Variants in MCFD2 observed in about 807,000 individuals in gnomAD.
MCFD2 encodes the protein multiple coagulation factor deficiency 2, ER cargo receptor complex subunit, also known as multiple coagulation factor deficiency protein 2.
Under a neutral mutation model 12.8 loss-of-function variants are expected in MCFD2, and 11 were observed. That is an observed-to-expected ratio of 0.86 (90% CI 0.54 to 1.42). The LOEUF is 1.42. Among genes scored for constraint, MCFD2 ranks in the 40% most tolerant of loss-of-function variants. The pLI is 0.00. For missense variants in MCFD2, 191 were observed against 178.6 expected, an observed-to-expected ratio of 1.07 and a Z score of -0.40; for synonymous variants, 70 against 68.1, an observed-to-expected ratio of 1.03 and a Z score of -0.14.
rs144700781 is a variant in MCFD2, at chr2:46,907,915, C to T, written c.204G>A (p.Ser68=). 2.0e-5 allele frequency: 33 copies of T among 1,614,046 alleles called. No homozygotes were observed. Among genetic ancestry groups the T allele is most frequent in the East Asian group, 6.7e-5 (3 of 44,900 alleles). ...AGTAATGGAGCTGCAATTCTTGTGGCGACATCTCCGCCTCTGGTTTGTTGA... is the reference window on the plus strand; with the variant it reads ...AGTAATGGAGCTGCAATTCTTGTGGTGACATCTCCGCCTCTGGTTTGTTGA... ...GVINKPEAEM[S]PQELQLHYFK... The change falls in exon 3 of 4, where the codon TCG becomes TCA. Residue 68 remains serine (S), a synonymous_variant. Coordinates refer to ENST00000319466, the MANE Select transcript of MCFD2 (RefSeq NM_139279.6). The surrounding 1 kb of genome is among the most constrained non-coding windows in gnomAD (Gnocchi z 4.1).
At chr2:46,929,922 A>G (rs1669601633) in intron 1 of MCFD2, among the ~76,000 whole-genome samples, 1 of 152,182 alleles carries the variant, frequency 6.6e-6, no homozygotes, top group African/African-American at 2.4e-5. Flanking sequence ...CTGCCATGAT[A>G]ATTGTCAATG....
chr2:46,904,937 G>A lies in MCFD2; in HGVS notation c.*526C>T, dbSNP rs1348331754. ...ATTGTATCTACCAGAATTCCCACGT[G>A]TTGTGGGAGAGACCCAAGGGGAGGT... is the stretch of plus-strand genomic sequence containing the variant. On this transcript the variant is annotated 3_prime_UTR_variant, in exon 4 of 4. Transcript: ENST00000319466. 4.8e-6 allele frequency: 1 copy of A among 206,188 alleles called. No individual in the cohort carries two copies. The highest frequency in any genetic ancestry group is 9.9e-6 in the Non-Finnish European group (1 of 100,708). The allele number at this position is 206,188 out of a possible 1,614,324, so 12.8% of individuals were successfully genotyped here.
intron 1 of MCFD2, among the ~76,000 whole-genome samples, chr2:46,930,515 TTTA>T (rs1669637867): frequency 6.6e-6 from 1 of 150,666 alleles, no homozygotes; most frequent in Non-Finnish European, 1.5e-5. Flanking sequence ...TTTTTTTTTT[TTTA>T]GACAAAGTCT....
chr2:46,906,562 T>G (rs988688124), intron 3 of MCFD2, among the ~76,000 whole-genome samples: 1 of 140,412 alleles, frequency 7.1e-6, no homozygotes, highest in Non-Finnish European at 1.5e-5. Context: ...CACAGCTCAC[T>G]GCAGCCTCGA....
At position 46,904,042 on chromosome 2, in the gene MCFD2, C is replaced by G. The variant is rs1276788952; in HGVS notation, c.*1421G>C. On this transcript the variant is annotated 3_prime_UTR_variant, in exon 4 of 4. Coordinates refer to ENST00000319466, the MANE Select transcript of MCFD2 (RefSeq NM_139279.6). Reference sequence around the variant, plus strand: ...GCCATGGCTGAAAGGGGCCAACATACAGCTCGGGCTGTGGCTTCAGAGTGG... The same window carrying G: ...GCCATGGCTGAAAGGGGCCAACATAGAGCTCGGGCTGTGGCTTCAGAGTGG... The G allele has an allele frequency of 1.3e-5, 2 of 152,400 alleles. No homozygotes were observed. Among genetic ancestry groups the G allele is most frequent in the African/African-American group, 2.4e-5 (1 of 41,572 alleles). 9.4% of individuals were successfully genotyped at this position (152,400 alleles called of 1,614,324 possible). A position where few individuals can be genotyped will look rare whatever the true frequency, so the allele number is the denominator to read the frequency against.
Position 46,902,949 on chromosome 2 carries a change from CA to C in MCFD2, c.*2513del, listed in dbSNP as rs1668070620. The stretch of plus-strand genomic sequence containing the variant: ...TTAAGAAACTAGCAGTATTCTACTA[CA>C]GTCAAGTTCCTGAGTACTCAGCTCC... On this transcript the variant is annotated 3_prime_UTR_variant, in exon 4 of 4. Transcript: ENST00000319466. The C allele has an allele frequency of 6.6e-6, 1 of 152,252 alleles. No homozygotes were observed. Among genetic ancestry groups the C allele is most frequent in the Non-Finnish European group, 1.5e-5 (1 of 68,046 alleles). The allele number at this position is 152,252 out of a possible 1,614,324, so 9.4% of individuals were successfully genotyped here.
chr2:46,905,950 C>T (rs1000883095), intron 3 of MCFD2: 10 of 477,302 alleles, frequency 2.1e-5, no homozygotes, highest in Admixed American at 1.2e-4. Context: ...AAGTGCCAGT[C>T]CTCCTGAGGG....
rs1398300203 is a variant in MCFD2 at position 46,903,899 on chromosome 2, A to T, written c.*1564T>A. ...AGCTGCAGAAATTTGCATAAGTAGC[A>T]AGGAGCCTAATGTTAATCCCCAACA... On this transcript the variant is annotated 3_prime_UTR_variant, in exon 4 of 4. Transcript: ENST00000319466. The T allele has an allele frequency of 6.6e-6, 1 of 152,194 alleles. No homozygotes were observed. Among genetic ancestry groups the T allele is most frequent in the Non-Finnish European group, 1.5e-5 (1 of 68,020 alleles). 9.4% of individuals were successfully genotyped at this position (152,194 alleles called of 1,614,324 possible).
At chr2:46,924,283 C>T (rs888399860) in intron 1 of MCFD2, among the ~76,000 whole-genome samples, 1 of 151,532 alleles carries the variant, frequency 6.6e-6, no homozygotes, top group Non-Finnish European at 1.5e-5. Flanking sequence ...AAACTGTAAA[C>T]CCCCCAGGGA....
rs900320866 is a variant in MCFD2, at chr2:46,937,412, T to G, written c.-8+4160A>C. Among the ~76,000 whole-genome samples the G allele has an allele frequency of 6.6e-6, 1 of 152,224 alleles. No homozygotes were observed. The highest frequency in any genetic ancestry group is 1.5e-5 in the Non-Finnish European group (1 of 68,044). On this transcript the variant is annotated intron_variant, in intron 1 of 2. Coordinates refer to the MCFD2 transcript ENST00000409147. The surrounding 1 kb of genome is among the most constrained non-coding windows in gnomAD (Gnocchi z 4.0). ...AAAAAAAAATCTCTATGGTGGATTT[T>G]AAGCCCTGTTTTCATTTTTAGCTGA...
At chr2:46,922,307 T>A (rs924500110) in intron 1 of MCFD2, among the ~76,000 whole-genome samples, 5 of 152,232 alleles carry the variant, frequency 3.3e-5, no homozygotes, top group African/African-American at 9.6e-5. Context: ...AGCGTTTTTA[T>A]AATTTTTGAT....
Position 46,904,129 on chromosome 2 carries a change from A to T in MCFD2, c.*1334T>A, listed in dbSNP as rs1273613497. The stretch of plus-strand genomic sequence containing the variant: ...GCCTGCAGGTGCACAGAAGTCAAGA[A>T]TTGAGATTTGGAAACCTCCGCCTAG... On this transcript the variant is annotated 3_prime_UTR_variant, in exon 4 of 4. Transcript: ENST00000319466. 6.6e-6 allele frequency: 1 copy of T among 152,260 alleles called. No homozygotes were observed. The highest frequency in any genetic ancestry group is 1.5e-5 in the Non-Finnish European group (1 of 68,046). 9.4% of individuals were successfully genotyped at this position (152,260 alleles called of 1,614,324 possible).
rs1001522101 is a variant in MCFD2, at chr2:46,908,693, A to C, written c.149+330T>G. On this transcript the variant is annotated intron_variant, in intron 2 of 3. Transcript: ENST00000319466. The surrounding 1 kb of genome is among the most constrained non-coding windows in gnomAD (Gnocchi z 4.5). ...TTGTTATAGTCAAGAAACCTTAGCT[A>C]TTTTCTGGATTCTGCTACTATGACT... 2.6e-6 allele frequency: 1 copy of C among 386,426 alleles called. No homozygotes were observed. Among genetic ancestry groups the C allele is most frequent in the Non-Finnish European group, 4.8e-6 (1 of 206,326 alleles). 23.9% of individuals were successfully genotyped at this position (386,426 alleles called of 1,614,324 possible). A position where few individuals can be genotyped will look rare whatever the true frequency, so the allele number is the denominator to read the frequency against.
intron 1 of MCFD2, among the ~76,000 whole-genome samples, chr2:46,914,429 C>T (rs956650298): frequency 1.2e-4 from 18 of 152,172 alleles, no homozygotes; most frequent in African/African-American, 4.1e-4. Flanking sequence ...CTGTCATGGT[C>T]CTGGAATGAA....
intron 1 of MCFD2, among the ~76,000 whole-genome samples, chr2:46,921,330 A>T (rs1278127030): frequency 6.6e-6 from 1 of 152,242 alleles, no homozygotes; most frequent in Non-Finnish European, 1.5e-5. Context: ...AGGATACATT[A>T]TACAATTAAT....
At chr2:46,920,516 A>T (rs1024915933), upstream of MCFD2, among the ~76,000 whole-genome samples, 2 of 152,010 alleles carry the variant, frequency 1.3e-5, no homozygotes, top group Admixed American at 6.6e-5. Flanking sequence ...TTTTTAGTAG[A>T]GATGGGGTTT....
In MCFD2 at chr2:46,908,699, T is replaced by C. The variant is rs1380664309; in HGVS notation, c.149+324A>G. On this transcript the variant is annotated intron_variant, in intron 2 of 3. Transcript: ENST00000319466. This position sits in a 1 kb window ranked among gnomAD's most constrained non-coding sequence, Gnocchi z 4.5. ...TAGTCAAGAAACCTTAGCTATTTTCTGGATTCTGCTACTATGACTGTGTAT... is the reference window on the plus strand; with the variant it reads ...TAGTCAAGAAACCTTAGCTATTTTCCGGATTCTGCTACTATGACTGTGTAT... 1 of 398,498 alleles carries C rather than the reference T, an allele frequency of 2.5e-6. No individual in the cohort carries two copies. The highest frequency in any genetic ancestry group is 4.7e-6 in the Non-Finnish European group (1 of 213,750). 24.7% of individuals were successfully genotyped at this position (398,498 alleles called of 1,614,324 possible).
intron 1 of MCFD2, among the ~76,000 whole-genome samples, chr2:46,931,335 C>G (rs532119610): frequency 2.0e-5 from 3 of 152,392 alleles, no homozygotes; most frequent in Middle Eastern, 3.4e-3. Flanking sequence ...ATCCTCTCGC[C>G]TCAGCTTCTG....
Position 46,908,621 on chromosome 2 carries a change from C to G in MCFD2, c.149+402G>C, listed in dbSNP as rs922409608. On this transcript the variant is annotated intron_variant, in intron 2 of 3. Coordinates refer to ENST00000319466, the MANE Select transcript of MCFD2 (RefSeq NM_139279.6). The surrounding 1 kb of genome is among the most constrained non-coding windows in gnomAD (Gnocchi z 4.5). ...GAGGCTAACTGGCCCAAGACAAAAG[C>G]TGCAACAAATGATTCAATGTTTGAA... is the stretch of plus-strand genomic sequence containing the variant. 10 of 310,994 alleles carry G rather than the reference C, an allele frequency of 3.2e-5. No homozygotes were observed. Among genetic ancestry groups the G allele is most frequent in the Non-Finnish European group, 6.2e-5 (10 of 160,876 alleles). 19.3% of individuals were successfully genotyped at this position (310,994 alleles called of 1,614,324 possible).
Sources: gnomAD v4.1 joint callset for allele counts (sites outside exome capture counted in the v4.1 genomes callset) on GRCh38, gnomAD v4.1.1 for gene constraint, Gnocchi (gnomAD v3.1) non-coding constraint, MANE v1.5 for transcripts, NCBI Gene and HGNC (gene_info 2026-07-23, HGNC 2026-07-21) for gene names.